Variants in TYW1 observed in about 807,000 individuals in gnomAD.
TYW1 encodes tRNA-yW synthesizing protein 1 homolog.
TYW1 carries 46 observed loss-of-function variants against 96.2 expected under a neutral mutation model. The ratio of observed to expected loss-of-function variants is 0.48; its 90% CI spans 0.38 to 0.61. TYW1 has a LOEUF of 0.61. TYW1 is among the 20% of genes least tolerant of loss of function. The pLI is 0.00. For synonymous variants in TYW1, 274 were observed against 323.0 expected, an observed-to-expected ratio of 0.85 and a Z score of 1.63; for missense variants, 684 against 909.6, an observed-to-expected ratio of 0.75 and a Z score of 3.19.
rs1040467346 is a variant in TYW1 at position 67,239,174 on chromosome 7, G to A, written c.*645G>A. On this transcript the variant is annotated 3_prime_UTR_variant, in exon 16 of 16. Transcript: ENST00000359626. ...ATTCCCATGTAAATTACCACAGACC[G>A]CAGTACCGGGGCTGGAGCGGAGTGA... 5 of 985,586 alleles carry A rather than the reference G, an allele frequency of 5.1e-6. No homozygotes were observed. The African/African-American group carries it at 5.2e-5, about 10-fold the overall frequency. 61.1% of individuals were successfully genotyped at this position (985,586 alleles called of 1,614,324 possible). A position where few individuals can be genotyped will look rare whatever the true frequency, so the allele number is the denominator to read the frequency against.
chr7:67,107,422 A>G (rs1425016626), intron 12 of TYW1, among the ~76,000 whole-genome samples: 1 of 152,234 alleles, frequency 6.6e-6, no homozygotes. Context: ...TTTCTGAAAC[A>G]TGCATGTCTG....
intron 7 of TYW1, among the ~76,000 whole-genome samples, chr7:67,026,036 T>G (rs1794441945): frequency 6.6e-6 from 1 of 152,140 alleles, no homozygotes; most frequent in Non-Finnish European, 1.5e-5. Flanking sequence ...TCATTTAGAC[T>G]AGCTACATAA....
intron 13 of TYW1, among the ~76,000 whole-genome samples, chr7:67,170,416 A>C (rs1437400740): frequency 6.6e-6 from 1 of 152,186 alleles, no homozygotes; most frequent in Admixed American, 6.5e-5. Context: ...TTGGGTTCCT[A>C]TGCATTTCCA....
intron 7 of TYW1, among the ~76,000 whole-genome samples, chr7:67,025,660 G>T (rs1733322638): frequency 6.6e-6 from 1 of 152,120 alleles, no homozygotes; most frequent in African/African-American, 2.4e-5. Flanking sequence ...AGGAATCCAG[G>T]AAATACCAAT....
intron 7 of TYW1, among the ~76,000 whole-genome samples, chr7:67,033,612 A>C (rs554934765): frequency 6.6e-6 from 1 of 152,014 alleles, no homozygotes; most frequent in East Asian, 1.9e-4. Context: ...AAAGTACCTT[A>C]CCAACATTCT....
intron 6 of TYW1, among the ~76,000 whole-genome samples, chr7:67,020,927 C>T (rs1794233581): frequency 6.6e-6 from 1 of 152,274 alleles, no homozygotes. Context: ...ACTCGGGAGG[C>T]TGAAGCAGGA....
At chr7:67,201,940 C>T (rs1467836400) in intron 15 of TYW1, among the ~76,000 whole-genome samples, 1 of 152,190 alleles carries the variant, frequency 6.6e-6, no homozygotes, top group Non-Finnish European at 1.5e-5. Flanking sequence ...CTCAAGCTAG[C>T]AGTTGTTGAA....
chr7:67,129,107 C>T (rs1797989729), intron 13 of TYW1, among the ~76,000 whole-genome samples: 1 of 152,196 alleles, frequency 6.6e-6, no homozygotes, highest in South Asian at 2.1e-4. Flanking sequence ...GGCTATTTCC[C>T]TTTTCTTACA....
At chr7:67,113,674 T>A (rs1797501253) in intron 12 of TYW1, among the ~76,000 whole-genome samples, 1 of 151,292 alleles carries the variant, frequency 6.6e-6, no homozygotes, top group African/African-American at 2.4e-5. Context: ...AGTCTTGCTC[T>A]GTTGCCCAGG....
At chr7:67,067,097 T>G in intron 9 of TYW1, 188 bp from the exon 10 acceptor site, 1 of 622,992 alleles carries the variant, frequency 1.6e-6, no homozygotes, top group South Asian at 2.0e-5. Context: ...TTCACTGGGC[T>G]TTAGTAAAAA....
chr7:67,171,282 T>C (rs1289951901), intron 13 of TYW1, among the ~76,000 whole-genome samples: 1 of 152,146 alleles, frequency 6.6e-6, no homozygotes, highest in African/African-American at 2.4e-5. Context: ...GTGTCTTCTT[T>C]TTCTTAGTCT....
chr7:67,077,004 C>T (rs1233674327), intron 10 of TYW1, among the ~76,000 whole-genome samples: 4 of 152,052 alleles, frequency 2.6e-5, no homozygotes, highest in Non-Finnish European at 5.9e-5. Flanking sequence ...AAACTCCTGA[C>T]CTCAAGTGAT....
chr7:67,060,184 T>C (rs1795654012), intron 9 of TYW1, among the ~76,000 whole-genome samples: 1 of 152,170 alleles, frequency 6.6e-6, no homozygotes, highest in Admixed American at 6.5e-5. Flanking sequence ...CAAGTGATTC[T>C]CCTGCCTCAG....
intron 12 of TYW1, among the ~76,000 whole-genome samples, chr7:67,104,334 A>C (rs1016516297): frequency 6.6e-6 from 1 of 152,238 alleles, no homozygotes; most frequent in Non-Finnish European, 1.5e-5. Context: ...GAAACTTAAA[A>C]TCATGGCAGA....
chr7:67,190,823 A>G (rs947282599), intron 14 of TYW1, among the ~76,000 whole-genome samples: 2 of 152,222 alleles, frequency 1.3e-5, no homozygotes, highest in African/African-American at 4.8e-5. Flanking sequence ...ATCAAACTAT[A>G]GGGGACAAAA....
At chr7:67,069,937 C>A (rs1033939690) in intron 10 of TYW1, among the ~76,000 whole-genome samples, 1 of 152,184 alleles carries the variant, frequency 6.6e-6, no homozygotes, top group African/African-American at 2.4e-5. Flanking sequence ...GCAGTGAACT[C>A]CCTCAGCCTT....
At chr7:67,086,300 G>A (rs1796546408) in intron 11 of TYW1, among the ~76,000 whole-genome samples, 1 of 152,138 alleles carries the variant, frequency 6.6e-6, no homozygotes, top group Admixed American at 6.5e-5. Context: ...CTCATTGTTG[G>A]TTTAGTTAAT....
chr7:67,019,130 G>T (rs894794269), intron 6 of TYW1, among the ~76,000 whole-genome samples: 4 of 152,112 alleles, frequency 2.6e-5, no homozygotes, highest in Admixed American at 1.3e-4. Flanking sequence ...CTTCACATCA[G>T]CCTTCCCCGT....
chr7:67,072,963 T>TTTTTTTTTTTTTTTTTTTTTTTG (rs1219374462), intron 10 of TYW1, among the ~76,000 whole-genome samples: 18 of 118,590 alleles, frequency 1.5e-4, no homozygotes, highest in African/African-American at 5.9e-4. Context: ...TTTTTTTTTT[T>TTTTTTTTTTTTTTTTTTTTTTTG]TATAGAGACA....
Sources: gnomAD v4.1 joint callset for allele counts (sites outside exome capture counted in the v4.1 genomes callset) on GRCh38, gnomAD v4.1.1 for gene constraint, MANE v1.5 for transcripts, NCBI Gene and HGNC (gene_info 2026-07-23, HGNC 2026-07-21) for gene names.